BBOF1: variants seen among roughly 807,000 people sequenced by gnomAD.
BBOF1 encodes basal body-orientation factor 1.
In BBOF1, 62 loss-of-function variants were observed where a neutral mutation model predicts 68.0. The ratio of observed to expected loss-of-function variants is 0.91; its 90% CI spans 0.74 to 1.13. The LOEUF is 1.13. Among genes scored for constraint, BBOF1 ranks in the 50% most tolerant of loss-of-function variants. The pLI, the probability that BBOF1 is intolerant of heterozygous loss-of-function variation, is 0.00. For missense variants in BBOF1, 534 were observed against 600.1 expected (o/e 0.89, Z 1.15); for synonymous variants, 208 against 198.8 (o/e 1.05, Z -0.39).
intron 11 of BBOF1, chr14:74,059,284 T>C (rs1478807891): frequency 4.9e-6 from 2 of 408,144 alleles, no homozygotes; most frequent in Admixed American, 5.9e-5. Context: ...ATATATAAAA[T>C]TTGGCAAGTA....
chr14:74,036,101 G>A (rs186510974), intron 4 of BBOF1, among the ~76,000 whole-genome samples: 4 of 151,440 alleles, frequency 2.6e-5, no homozygotes, highest in South Asian at 2.1e-4. Flanking sequence ...TATTGCCCAC[G>A]CTAGAGTGCA....
At position 74,034,172 on chromosome 14, in the gene BBOF1, G is replaced by T. The variant is rs754788291; in HGVS notation, c.495+1G>T. 2.0e-6 allele frequency: 3 copies of T among 1,537,576 alleles called. No individual in the cohort carries two copies. The highest frequency in any genetic ancestry group is 2.2e-5 in the Admixed American group (1 of 46,110). On this transcript the variant is annotated splice_donor_variant, in intron 4 of 11. Coordinates refer to ENST00000394009, the MANE Select transcript of BBOF1 (RefSeq NM_025057.3). LOFTEE classifies it high-confidence loss of function. ...CCAAGTGGAGAGAGAGTTAGATGATGTAAGTTTCATTCCTTTTTTACAAAA... is the reference window on the plus strand; with the variant it reads ...CCAAGTGGAGAGAGAGTTAGATGATTTAAGTTTCATTCCTTTTTTACAAAA...
Position 74,065,114 on chromosome 14 carries a change from A to G in BBOF1, c.*415A>G, listed in dbSNP as rs544599318. On this transcript the variant is annotated 3_prime_UTR_variant, in exon 12 of 12. Transcript: ENST00000394009. Reference sequence around the variant, plus strand: ...AATCTTAAACCAATGACTCACCATTATTTACTGTTTCCTCTTAGGAAATAG... The same window carrying G: ...AATCTTAAACCAATGACTCACCATTGTTTACTGTTTCCTCTTAGGAAATAG... 348 of 1,577,956 alleles carry G rather than the reference A, an allele frequency of 2.2e-4. 3 individuals carry two copies. The South Asian group carries it at 3.5e-3, about 16-fold the overall frequency.
intron 11 of BBOF1, chr14:74,059,507 C>A: frequency 2.6e-6 from 1 of 379,294 alleles, no homozygotes; most frequent in Non-Finnish European, 5.2e-6. Context: ...ACCAGCCTGA[C>A]CAACACGGAG....
rs776006352 is a variant in BBOF1, at chr14:74,064,930, AACAAATCCGTGTCATATCCTAAGG to A, written c.*237_*260del. 1.1e-5 allele frequency: 17 copies of A among 1,610,256 alleles called. No individual in the cohort carries two copies. In the South Asian group the frequency reaches 1.8e-4, roughly 17 times the overall value. On this transcript the variant is annotated 3_prime_UTR_variant, in exon 12 of 12. Transcript: ENST00000394009. ...GGACATTCACTCCCACCTAAAACAG[AACAAATCCGTGTCATATCCTAAGG>A]ACAAAGGAACTCTCCATTTAGAAAC...
rs148315943 is a variant in BBOF1, at chr14:74,062,333, G to A, written c.1579-2355G>A. Among the ~76,000 whole-genome samples the A allele has an allele frequency of 6.4e-3, 971 of 152,120 alleles. 7 individuals are homozygous for A. Among genetic ancestry groups the A allele is most frequent in the African/African-American group, 0.023 (940 of 41,506 alleles). The stretch of plus-strand genomic sequence containing the variant: ...AAGCTGTGACTAGGCCGGGTGCGGT[G>A]ACTCACTCCTGTAATCCCAGCACTT... On this transcript the variant is annotated intron_variant, in intron 11 of 11. Coordinates refer to ENST00000394009, the MANE Select transcript of BBOF1 (RefSeq NM_025057.3).
chr14:74,072,294 C>T, intron 9 of BBOF1: 1 of 1,614,226 alleles, frequency 6.2e-7, no homozygotes, highest in Admixed American at 1.7e-5. Context: ...AGCACGTTTG[C>T]AGGAAGCAAT....
At chr14:74,056,400 A>G (rs573743809) in intron 9 of BBOF1, among the ~76,000 whole-genome samples, 5 of 151,732 alleles carry the variant, frequency 3.3e-5, no homozygotes, top group Non-Finnish European at 5.9e-5. Flanking sequence ...GAGTTTTACC[A>G]TGTTATCCAG....
Position 74,065,189 on chromosome 14 carries a change from C to T in BBOF1, c.*490C>T. ...AAATTCTGTTCACGAACCTGTCCAA[C>T]ATCCACCAAGTGGGCATATTTCCGA... On this transcript the variant is annotated 3_prime_UTR_variant, in exon 12 of 12. Transcript: ENST00000394009. The T allele has an allele frequency of 6.2e-7, 1 of 1,614,162 alleles. No homozygotes were observed. The highest frequency in any genetic ancestry group is 8.5e-7 in the Non-Finnish European group (1 of 1,180,020).
chr14:74,057,405 T>A, intron 11 of BBOF1, 147 bp downstream of exon 11: 1 of 1,529,600 alleles, frequency 6.5e-7, no homozygotes, highest in Non-Finnish European at 8.8e-7. Context: ...GTAGATTACA[T>A]AAATTTTTAA....
rs551728247 is a variant in BBOF1 at position 74,020,110 on chromosome 14, TGTA to T, written c.56+579_56+581del. On this transcript the variant is annotated intron_variant, in intron 1 of 11. Transcript: ENST00000394009. ...ACCAAAAGAAAAAACAAAAATCACC[TGTA>T]GTCTCATTATCCAAAAATAAACACT... Among the ~76,000 whole-genome samples the T allele has an allele frequency of 2.6e-5, 4 of 152,346 alleles. No individual in the cohort carries two copies. In the South Asian group the frequency reaches 8.3e-4, roughly 32 times the overall value.
chr14:74,074,818 G>T, intron 9 of BBOF1: 2 of 864,556 alleles, frequency 2.3e-6, no homozygotes, highest in Non-Finnish European at 3.7e-6. Flanking sequence ...CATTTCAGGA[G>T]GGAAATAATC....
intron 11 of BBOF1, chr14:74,057,927 A>G: frequency 2.0e-6 from 2 of 986,790 alleles, no homozygotes; most frequent in South Asian, 4.4e-5. Context: ...TCCCTTAAAT[A>G]TAAGGAAAAT....
At chr14:74,043,106 G>A (rs980006853) in intron 5 of BBOF1, among the ~76,000 whole-genome samples, 15 of 151,944 alleles carry the variant, frequency 9.9e-5, no homozygotes, top group African/African-American at 3.1e-4. Flanking sequence ...CTTTCCAATC[G>A]GCCTGTTCAT....
intron 3 of BBOF1, among the ~76,000 whole-genome samples, chr14:74,030,291 A>G (rs1311456865): frequency 6.6e-6 from 1 of 151,804 alleles, no homozygotes; most frequent in Non-Finnish European, 1.5e-5. Context: ...GACCTCAAGC[A>G]GTTCTCCTTG....
chr14:74,055,534 A>G (rs1407638113), intron 8 of BBOF1, 50 bp from the exon 9 acceptor site: 1 of 1,193,226 alleles, frequency 8.4e-7, no homozygotes, highest in African/African-American at 1.5e-5. Context: ...AGAGAAGCCT[A>G]TTTGACCGTA....
chr14:74,062,051 G>GAA (rs369414700), intron 11 of BBOF1, among the ~76,000 whole-genome samples: 609 of 59,570 alleles, frequency 0.01, 19 homozygotes, highest in Middle Eastern at 0.048. Flanking sequence ...TCTCTACTGG[G>GAA]AAAAAAAAAA....
chr14:74,050,790 T>G (rs1468871023), intron 8 of BBOF1, among the ~76,000 whole-genome samples: 1 of 152,136 alleles, frequency 6.6e-6, no homozygotes, highest in Non-Finnish European at 1.5e-5. Flanking sequence ...TATCCAACCA[T>G]ATAATTAAAA....
chr14:74,042,914 C>T (rs1159273553), intron 5 of BBOF1, among the ~76,000 whole-genome samples: 1 of 137,166 alleles, frequency 7.3e-6, no homozygotes, highest in Non-Finnish European at 1.6e-5. Context: ...ACACACACTA[C>T]TGGGAAAGTG....
Sources: gnomAD v4.1 joint callset for allele counts (sites outside exome capture counted in the v4.1 genomes callset) on GRCh38, gnomAD v4.1.1 for gene constraint, MANE v1.5 for transcripts, NCBI Gene and HGNC (gene_info 2026-07-23, HGNC 2026-07-21) for gene names.